The following ACTR3C variants were observed in gnomAD, a reference collection of about 807,000 sequenced individuals.
The protein encoded by ACTR3C is actin-related protein 3C.
Under a neutral mutation model 26.3 loss-of-function variants are expected in ACTR3C, and 18 were observed. The ratio of observed to expected loss-of-function variants is 0.68; its 90% confidence interval spans 0.47 to 1.01. The LOEUF is 1.01. ACTR3C is among the 50% of genes least tolerant of loss of function. ACTR3C has a pLI of 0.00. For missense variants in ACTR3C, 184 were observed against 250.7 expected (o/e 0.73, Z 1.80); for synonymous variants, 55 against 94.5 (o/e 0.58, Z 2.42).
At chr7:149,898,309 G>T in the ACTR3C span, among the ~76,000 whole-genome samples, 12 of 152,202 alleles carry the variant, frequency 7.9e-5, no homozygotes, top group Non-Finnish European at 1.5e-4. Flanking sequence ...ATTCCAAAGG[G>T]CCACTGCCAA....
chr7:150,015,894 T>C, the ACTR3C span, among the ~76,000 whole-genome samples: 1 of 147,688 alleles, frequency 6.8e-6, no homozygotes, highest in African/African-American at 2.5e-5. Flanking sequence ...TTAGCATCAT[T>C]ATTAATAGCA....
chr7:150,180,511 CT>C, the ACTR3C span, among the ~76,000 whole-genome samples: 253 of 125,616 alleles, frequency 2.0e-3, 4 homozygotes, highest in Middle Eastern at 4.4e-3. Context: ...AGTAGTATAT[CT>C]TTTTTTTTTT....
At chr7:150,034,648 C>G in the ACTR3C span, among the ~76,000 whole-genome samples, 2 of 148,844 alleles carry the variant, frequency 1.3e-5, no homozygotes, top group African/African-American at 2.4e-5. Flanking sequence ...TCGGACCCGT[C>G]GGATCGTAAA....
the ACTR3C span, among the ~76,000 whole-genome samples, chr7:149,976,667 T>TA: frequency 1.3e-4 from 19 of 146,600 alleles, no homozygotes; most frequent in African/African-American, 2.5e-4. Flanking sequence ...ATGATAAAAG[T>TA]AAAAAAAAAT....
At chr7:149,996,799 GGGGCT>G in the ACTR3C span, among the ~76,000 whole-genome samples, 1 of 150,802 alleles carries the variant, frequency 6.6e-6, no homozygotes, top group South Asian at 2.1e-4. Flanking sequence ...TATACTTGCA[GGGGCT>G]GGGCCAGAAA....
chr7:150,220,806 G>A, the ACTR3C span, among the ~76,000 whole-genome samples: 1 of 152,310 alleles, frequency 6.6e-6, no homozygotes, highest in African/African-American at 2.4e-5. Flanking sequence ...TGCGCGCTCC[G>A]CTCCAGGGCG....
the ACTR3C span, among the ~76,000 whole-genome samples, chr7:150,232,115 T>G: frequency 6.6e-6 from 1 of 152,242 alleles, no homozygotes; most frequent in Non-Finnish European, 1.5e-5. Flanking sequence ...TTTATCGTTA[T>G]GTAATGCACC....
chr7:150,261,680 C>T (rs1421203711), intron 6 of ACTR3C, among the ~76,000 whole-genome samples: 2 of 150,086 alleles, frequency 1.3e-5, no homozygotes, highest in African/African-American at 2.5e-5. Context: ...CCAGCCTGGG[C>T]AACAGAGCAA....
chr7:149,994,360 G>A, the ACTR3C span, among the ~76,000 whole-genome samples: 1 of 152,198 alleles, frequency 6.6e-6, no homozygotes, highest in Non-Finnish European at 1.5e-5. Flanking sequence ...CACTTTGGGA[G>A]GCTGAGGCGG....
the ACTR3C span, among the ~76,000 whole-genome samples, chr7:150,039,734 G>A: frequency 6.6e-5 from 9 of 135,490 alleles, no homozygotes; most frequent in East Asian, 9.9e-4. Flanking sequence ...CCCCACCCTC[G>A]CGGGGGGTGC....
chr7:150,050,757 G>A, the ACTR3C span, among the ~76,000 whole-genome samples: 5 of 152,020 alleles, frequency 3.3e-5, no homozygotes, highest in African/African-American at 1.2e-4. Flanking sequence ...ATTGAAAAGC[G>A]CTTGGCTATA....
downstream of ACTR3C, chr7:150,246,533 A>G (rs536384002): frequency 1.3e-5 from 2 of 152,336 alleles, no homozygotes; most frequent in South Asian, 4.1e-4. Context: ...ACAACTGTCC[A>G]TGATAATATT....
intron 2 of ACTR3C, among the ~76,000 whole-genome samples, chr7:150,294,114 C>T (rs1057092516): frequency 1.3e-5 from 2 of 152,114 alleles, no homozygotes; most frequent in Non-Finnish European, 1.5e-5. Flanking sequence ...GATTACTAGG[C>T]CTCACACCCA....
At chr7:150,257,557 G>A (rs1471680898) in intron 6 of ACTR3C, among the ~76,000 whole-genome samples, 1 of 152,332 alleles carries the variant, frequency 6.6e-6, no homozygotes, top group South Asian at 2.1e-4. Context: ...CACCCAAAGA[G>A]TTGAATGAAT....
chr7:150,179,590 A>G, the ACTR3C span, among the ~76,000 whole-genome samples: 1,863 of 149,432 alleles, frequency 0.012, 19 homozygotes, highest in Non-Finnish European at 0.019. Flanking sequence ...GACTCAATCA[A>G]TTCTCCCACC....
At chr7:150,128,495 C>G in the ACTR3C span, among the ~76,000 whole-genome samples, 1 of 151,960 alleles carries the variant, frequency 6.6e-6, no homozygotes, top group East Asian at 1.9e-4. Flanking sequence ...TGAGGCAAAA[C>G]AGCATCAGTG....
At chr7:150,201,408 AC>A in the ACTR3C span, among the ~76,000 whole-genome samples, 1 of 152,242 alleles carries the variant, frequency 6.6e-6, no homozygotes. Context: ...CCAGAATGAG[AC>A]ATCAATGTTT....
At chr7:150,114,219 C>T in the ACTR3C span, among the ~76,000 whole-genome samples, 6 of 152,170 alleles carry the variant, frequency 3.9e-5, no homozygotes, top group Non-Finnish European at 1.5e-5. Flanking sequence ...GCAGAAATCA[C>T]GCTCAATCCC....
chr7:149,918,549 G>A, the ACTR3C span, among the ~76,000 whole-genome samples: 1 of 152,198 alleles, frequency 6.6e-6, no homozygotes, highest in Non-Finnish European at 1.5e-5. Context: ...AACTAGTCAG[G>A]TGCGGTGGCG....
Sources: allele counts gnomAD v4.1 joint callset (sites outside exome capture counted in the v4.1 genomes callset), GRCh38; gene constraint gnomAD v4.1.1; transcripts MANE v1.5; gene names NCBI Gene and HGNC (gene_info 2026-07-23, HGNC 2026-07-21).